SH3RF3: variants seen among roughly 807,000 people sequenced by gnomAD.
SH3RF3 encodes SH3 domain containing ring finger 3, also known as E3 ubiquitin-protein ligase SH3RF3.
SH3RF3 carries 29 observed loss-of-function variants against 66.3 expected under a neutral mutation model. That is an observed-to-expected ratio of 0.44 (90% CI 0.33 to 0.60). The LOEUF (loss-of-function observed/expected upper bound fraction) is 0.60, where lower values mean the gene tolerates loss of function less well. SH3RF3 is among the 20% of genes least tolerant of loss of function. The pLI is 0.04. For synonymous variants in SH3RF3, 583 were observed against 532.0 expected (o/e 1.10, Z -1.32); for missense variants, 1,194 against 1,190.9 (o/e 1.00, Z -0.04).
intron 7 of SH3RF3, among the ~76,000 whole-genome samples, chr2:109,445,248 T>G (rs1199645815): frequency 6.6e-6 from 1 of 152,172 alleles, no homozygotes; most frequent in Non-Finnish European, 1.5e-5. Flanking sequence ...ATAGAAGAGA[T>G]GGGACAGAGA....
At chr2:109,254,332 C>T (rs1680168497) in intron 1 of SH3RF3, among the ~76,000 whole-genome samples, 1 of 152,150 alleles carries the variant, frequency 6.6e-6, no homozygotes, top group African/African-American at 2.4e-5. Flanking sequence ...AATTTTCTAC[C>T]TGTATAATCC....
chr2:109,366,312 A>C (rs1385820114), intron 2 of SH3RF3, among the ~76,000 whole-genome samples: 1 of 152,222 alleles, frequency 6.6e-6, no homozygotes, highest in Admixed American at 6.5e-5. Flanking sequence ...TAAGTAAATT[A>C]CAGTAAATTC....
intron 1 of SH3RF3, among the ~76,000 whole-genome samples, chr2:109,185,615 C>A (rs374387720): frequency 3.9e-5 from 6 of 152,082 alleles, no homozygotes; most frequent in African/African-American, 1.4e-4. Context: ...GGCAGAGAAG[C>A]CGGAGCCAAG....
chr2:109,215,572 GT>G (rs747734439), intron 1 of SH3RF3, among the ~76,000 whole-genome samples: 1 of 152,110 alleles, frequency 6.6e-6, no homozygotes, highest in African/African-American at 2.4e-5. Context: ...GTCTGATGTA[GT>G]TTTTTGCCTG....
intron 1 of SH3RF3, among the ~76,000 whole-genome samples, chr2:109,213,493 C>T (rs1679039781): frequency 6.6e-6 from 1 of 152,162 alleles, no homozygotes. Context: ...CCAGGATCTG[C>T]AGGGAGCCTG....
intron 2 of SH3RF3, among the ~76,000 whole-genome samples, chr2:109,370,531 G>A (rs1181364747): frequency 1.3e-5 from 2 of 152,102 alleles, no homozygotes; most frequent in South Asian, 2.1e-4. Context: ...GAGCCACCGC[G>A]CCCGGCCATC....
chr2:109,182,196 A>C (rs1444955764), intron 1 of SH3RF3, among the ~76,000 whole-genome samples: 1 of 151,110 alleles, frequency 6.6e-6, no homozygotes, highest in Non-Finnish European at 1.5e-5. Context: ...TATTTGACTC[A>C]TGATTTTGAA....
intron 2 of SH3RF3, among the ~76,000 whole-genome samples, chr2:109,356,284 C>G: frequency 6.6e-6 from 1 of 152,118 alleles, no homozygotes; most frequent in East Asian, 1.9e-4. Context: ...TCCTGAGGTC[C>G]CACACAGCCA....
At chr2:109,306,886 T>G (rs1681609907) in intron 1 of SH3RF3, among the ~76,000 whole-genome samples, 1 of 152,204 alleles carries the variant, frequency 6.6e-6, no homozygotes, top group Non-Finnish European at 1.5e-5. Flanking sequence ...TCAACGGGTG[T>G]GCGGTGTACG....
chr2:109,199,632 T>TCAACGC (rs1458718729), intron 1 of SH3RF3, among the ~76,000 whole-genome samples: 1 of 68 alleles, frequency 0.015, no homozygotes. Flanking sequence ...TGGAATGGAA[T>TCAACGC]GGAATGGAAT....
At chr2:109,208,227 C>T (rs1678887427) in intron 1 of SH3RF3, among the ~76,000 whole-genome samples, 1 of 152,226 alleles carries the variant, frequency 6.6e-6, no homozygotes, top group Non-Finnish European at 1.5e-5. Context: ...TTTTAGTTCA[C>T]ATCTTCATGT....
chr2:109,133,265 T>A (rs1676738144), intron 1 of SH3RF3, among the ~76,000 whole-genome samples: 1 of 152,264 alleles, frequency 6.6e-6, no homozygotes. Flanking sequence ...TACAGCCTAA[T>A]AAGTTTATCT....
rs961564098 is a variant in SH3RF3 at position 109,331,082 on chromosome 2, C to T, written c.574-16592C>T. Among the ~76,000 whole-genome samples the T allele has an allele frequency of 2.6e-5, 4 of 152,202 alleles. No individual in the cohort carries two copies. In the East Asian group the frequency reaches 7.7e-4, roughly 29 times the overall value. On this transcript the variant is annotated intron_variant, in intron 1 of 9. Transcript: ENST00000309415. ...TCTAAAAAAGACTCCTCAGCTTTTC[C>T]TTCCAGCATAGCAGAAGCTCTTCCA...
chr2:109,257,966 T>C (rs1025975874), intron 1 of SH3RF3, among the ~76,000 whole-genome samples: 9 of 151,212 alleles, frequency 6.0e-5, no homozygotes, highest in African/African-American at 2.2e-4. Context: ...ATTCTAGCAT[T>C]TCTTTCCCTG....
chr2:109,399,468 G>A (rs775948251), intron 4 of SH3RF3, among the ~76,000 whole-genome samples: 7 of 148,790 alleles, frequency 4.7e-5, no homozygotes, highest in Non-Finnish European at 8.9e-5. Context: ...TTTGTAAATT[G>A]AAGTAACCAA....
chr2:109,428,792 G>T (rs1206002547), intron 5 of SH3RF3, among the ~76,000 whole-genome samples: 1 of 152,230 alleles, frequency 6.6e-6, no homozygotes, highest in Non-Finnish European at 1.5e-5. Flanking sequence ...GATGCCCTGA[G>T]CACTCCGCAG....
chr2:109,159,300 C>G (rs1174374274), intron 1 of SH3RF3, among the ~76,000 whole-genome samples: 2 of 152,220 alleles, frequency 1.3e-5, no homozygotes, highest in East Asian at 3.8e-4. Context: ...AGGACCGCTG[C>G]TGTACCGCGG....
chr2:109,443,269 G>A (rs774240546), intron 7 of SH3RF3, among the ~76,000 whole-genome samples: 8 of 152,242 alleles, frequency 5.3e-5, no homozygotes, highest in South Asian at 2.1e-4. Flanking sequence ...CTATTAACAG[G>A]TGCCAGAGCT....
intron 1 of SH3RF3, among the ~76,000 whole-genome samples, chr2:109,143,770 A>G (rs1031818547): frequency 1.7e-4 from 26 of 150,592 alleles, no homozygotes; most frequent in African/African-American, 5.6e-4. Context: ...AACAAAACAA[A>G]CAAACAAACA....
Sources: gnomAD v4.1 joint callset for allele counts (sites outside exome capture counted in the v4.1 genomes callset) on GRCh38, gnomAD v4.1.1 for gene constraint, MANE v1.5 for transcripts, NCBI Gene and HGNC (gene_info 2026-07-23, HGNC 2026-07-21) for gene names.